The following LNX1 variants were observed in gnomAD, a reference collection of about 807,000 sequenced individuals.
LNX1 encodes E3 ubiquitin-protein ligase LNX.
LNX1 carries 54 observed loss-of-function variants against 68.4 expected under a neutral mutation model. The observed-to-expected ratio is 0.79, with a 90% CI of 0.63 to 0.99. LNX1 has a LOEUF of 0.99. Among genes scored for constraint, LNX1 ranks in the 50% least tolerant of loss-of-function variants. LNX1 has a pLI of 0.00. For synonymous variants in LNX1, 336 were observed against 350.0 expected (o/e 0.96, Z 0.45); for missense variants, 906 against 926.4 (o/e 0.98, Z 0.29).
At chr4:53,538,086 G>T (rs1272061810) in intron 2 of LNX1, among the ~76,000 whole-genome samples, 1 of 152,132 alleles carries the variant, frequency 6.6e-6, no homozygotes, top group Non-Finnish European at 1.5e-5. Flanking sequence ...CCAACCATTG[G>T]CTAGATATGT....
intron 9 of LNX1, among the ~76,000 whole-genome samples, chr4:53,463,690 A>G (rs1205440977): frequency 3.3e-5 from 5 of 152,116 alleles, no homozygotes; most frequent in African/African-American, 1.2e-4. Flanking sequence ...GTTTTTCCCA[A>G]TGAGAAAATT....
intron 2 of LNX1, among the ~76,000 whole-genome samples, chr4:53,538,557 A>G (rs746696672): frequency 1.8e-4 from 27 of 152,196 alleles, no homozygotes; most frequent in Non-Finnish European, 2.4e-4. Context: ...TAAGCCCTAC[A>G]ATAGGAAAAG....
chr4:53,587,035 G>A (rs527306062), intron 1 of LNX1, among the ~76,000 whole-genome samples: 6 of 152,224 alleles, frequency 3.9e-5, no homozygotes, highest in East Asian at 1.9e-4. Context: ...CATACACCAT[G>A]CACTAAATAT....
chr4:53,582,096 A>AAGTAGGAAGAGT (rs6148437), intron 1 of LNX1, among the ~76,000 whole-genome samples: 2 of 151,668 alleles, frequency 1.3e-5, no homozygotes, highest in African/African-American at 4.8e-5. Flanking sequence ...TTAGAAACCT[A>AAGTAGGAAGAGT]AGAATATCAA....
At chr4:53,534,462 C>T (rs1226885911) in intron 2 of LNX1, among the ~76,000 whole-genome samples, 1 of 152,028 alleles carries the variant, frequency 6.6e-6, no homozygotes, top group African/African-American at 2.4e-5. Flanking sequence ...CATAGCAAGA[C>T]CTTGTCTCTA....
rs1447463918 is a variant in LNX1 at position 53,476,827 on chromosome 4, G to C, written c.1818C>G (p.Ala606=). The C allele has an allele frequency of 6.2e-7, 1 of 1,614,050 alleles. No homozygotes were observed. The highest frequency in any genetic ancestry group is 1.7e-5 in the Admixed American group (1 of 60,012). ...EPQEDCSSPA[A]LDSNHNMAPP... The stretch of plus-strand genomic sequence containing the variant: ...GGGCCATGTTGTGGTTGGAGTCCAG[G>C]GCTGCTGGGCTGCTGCAGTCTTCCT... The change falls in exon 9 of 11, where the codon GCC becomes GCG. Residue 606 remains alanine (A), a synonymous_variant. Coordinates refer to ENST00000263925, the MANE Select transcript of LNX1 (RefSeq NM_001126328.3).
chr4:53,589,586 C>T (rs1407605167), intron 1 of LNX1, among the ~76,000 whole-genome samples: 1 of 152,220 alleles, frequency 6.6e-6, no homozygotes, highest in Non-Finnish European at 1.5e-5. Context: ...TCATTTACTT[C>T]TCACAACCAC....
In LNX1 at chr4:53,531,023, G is replaced by A. The variant is rs80274042; in HGVS notation, c.381-22796C>T. ...CCACAAAAAATACAAAAAATTAGCC[G>A]GTGTGGTGGTGTGTGCCTATGGTCT... On this transcript the variant is annotated intron_variant, in intron 2 of 10. Transcript: ENST00000263925. Among the ~76,000 whole-genome samples the A allele has an allele frequency of 8.2e-3, 1,251 of 152,218 alleles. 20 individuals carry two copies. Among genetic ancestry groups the A allele is most frequent in the African/African-American group, 0.028 (1,178 of 41,528 alleles).
At chr4:53,486,662 G>A (rs933621626) in intron 6 of LNX1, among the ~76,000 whole-genome samples, 1 of 152,168 alleles carries the variant, frequency 6.6e-6, no homozygotes, top group Non-Finnish European at 1.5e-5. Flanking sequence ...ACTTCTGGCT[G>A]AGGAAATAGG....
At chr4:53,485,689 C>G (rs1724239709) in intron 6 of LNX1, among the ~76,000 whole-genome samples, 1 of 152,148 alleles carries the variant, frequency 6.6e-6, no homozygotes, top group South Asian at 2.1e-4. Context: ...GGCTAATATG[C>G]TTGTCCTGGC....
At chr4:53,493,777 T>C (rs1246767321) in intron 6 of LNX1, among the ~76,000 whole-genome samples, 2 of 152,232 alleles carry the variant, frequency 1.3e-5, no homozygotes, top group Non-Finnish European at 2.9e-5. Flanking sequence ...TAAGTGGAAG[T>C]TGACATAGAC....
intron 2 of LNX1, among the ~76,000 whole-genome samples, chr4:53,560,370 T>C (rs1730200829): frequency 1.3e-5 from 2 of 152,202 alleles, no homozygotes; most frequent in Admixed American, 6.5e-5. Flanking sequence ...AATATAAACA[T>C]GAATGTAAGG....
At chr4:53,553,656 C>A (rs1378684256) in intron 2 of LNX1, among the ~76,000 whole-genome samples, 2 of 152,064 alleles carry the variant, frequency 1.3e-5, no homozygotes, top group Non-Finnish European at 2.9e-5. Context: ...TGGAGGTCTG[C>A]GGATGAGGGC....
At chr4:53,557,662 G>A (rs1022305373) in intron 2 of LNX1, among the ~76,000 whole-genome samples, 1 of 151,254 alleles carries the variant, frequency 6.6e-6, no homozygotes, top group Non-Finnish European at 1.5e-5. Context: ...ATGCCTTATT[G>A]AGAAAGTACT....
At chr4:53,508,481 T>C in intron 2 of LNX1, 1 of 445,160 alleles carries the variant, frequency 2.2e-6, no homozygotes. Context: ...CTACATTGGC[T>C]GCTGGAATGC....
chr4:53,616,603 C>G (rs1340914985), intron 1 of LNX1: 1 of 152,194 alleles, frequency 6.6e-6, no homozygotes, highest in East Asian at 1.9e-4. Context: ...AAGAGAATAT[C>G]TTTCCAGTTG....
At chr4:53,644,283 C>G (rs566570194) in intron 1 of LNX1, among the ~76,000 whole-genome samples, 21 of 152,114 alleles carry the variant, frequency 1.4e-4, no homozygotes, top group Admixed American at 1.4e-3. Flanking sequence ...CTCCTGTAGC[C>G]CTAGCTACTT....
intron 2 of LNX1, among the ~76,000 whole-genome samples, chr4:53,561,597 C>T (rs1472834729): frequency 1.3e-5 from 2 of 152,148 alleles, no homozygotes; most frequent in Non-Finnish European, 2.9e-5. Flanking sequence ...CCTGAACACA[C>T]TACCCTGGAT....
intron 1 of LNX1, among the ~76,000 whole-genome samples, chr4:53,578,157 G>C (rs975310149): frequency 6.6e-6 from 1 of 152,150 alleles, no homozygotes; most frequent in Non-Finnish European, 1.5e-5. Context: ...ATTATGGCTA[G>C]TCAGAATCCC....
Sources: allele counts gnomAD v4.1 joint callset (sites outside exome capture counted in the v4.1 genomes callset), GRCh38; gene constraint gnomAD v4.1.1; transcripts MANE v1.5; gene names NCBI Gene and HGNC (gene_info 2026-07-23, HGNC 2026-07-21).